The following CPNE4 variants were observed in gnomAD, a reference collection of about 807,000 sequenced individuals.
CPNE4 encodes the protein copine-4.
In CPNE4, 25 loss-of-function variants were observed where a neutral mutation model predicts 67.9. The observed-to-expected ratio is 0.37, with a 90% CI of 0.27 to 0.51. The LOEUF is 0.51. Ranked by LOEUF, CPNE4 falls within the 20% of genes least tolerant of loss-of-function variation. CPNE4 has a pLI of 0.93. For missense variants in CPNE4, 464 were observed against 690.8 expected (o/e 0.67, Z 3.68); for synonymous variants, 242 against 244.9 (o/e 0.99, Z 0.11).
At chr3:131,569,071 C>T (rs916457036) in intron 10 of CPNE4, among the ~76,000 whole-genome samples, 5 of 151,938 alleles carry the variant, frequency 3.3e-5, no homozygotes, top group African/African-American at 1.2e-4. Flanking sequence ...AGAAAACTTT[C>T]TAAGAGGGCA....
chr3:131,833,965 T>TAA (rs2085468446), intron 2 of CPNE4, among the ~76,000 whole-genome samples: 1 of 152,220 alleles, frequency 6.6e-6, no homozygotes, highest in Non-Finnish European at 1.5e-5. Flanking sequence ...TATATTTATA[T>TAA]AGCTATTAAA....
intron 2 of CPNE4, among the ~76,000 whole-genome samples, chr3:131,783,442 G>A (rs996761121): frequency 6.6e-5 from 10 of 152,048 alleles, no homozygotes; most frequent in Non-Finnish European, 1.2e-4. Context: ...CAGATGACCT[G>A]GGCTGGATTT....
At chr3:131,796,186 C>T (rs940918302) in intron 2 of CPNE4, among the ~76,000 whole-genome samples, 2 of 151,744 alleles carry the variant, frequency 1.3e-5, no homozygotes, top group Non-Finnish European at 2.9e-5. Flanking sequence ...TATTTATTTG[C>T]TCTTCCATCA....
intron 3 of CPNE4, among the ~76,000 whole-genome samples, chr3:131,722,880 A>G (rs140226841): frequency 2.8e-4 from 42 of 152,330 alleles, no homozygotes; most frequent in African/African-American, 9.6e-4. Flanking sequence ...GCCTTCATCA[A>G]ATCACTTAAC....
At chr3:132,008,266 T>C (rs909908206) in intron 1 of CPNE4, among the ~76,000 whole-genome samples, 1 of 152,186 alleles carries the variant, frequency 6.6e-6, no homozygotes, top group South Asian at 2.1e-4. Context: ...AACCTAACTG[T>C]TGAAGAGTAA....
intron 1 of CPNE4, among the ~76,000 whole-genome samples, chr3:132,006,402 C>G (rs1038992039): frequency 6.6e-6 from 1 of 152,114 alleles, no homozygotes; most frequent in Non-Finnish European, 1.5e-5. Context: ...ACTCCTCCCC[C>G]GCTTGCCTTA....
chr3:131,937,141 GAAAT>G (rs748202234), intron 1 of CPNE4, among the ~76,000 whole-genome samples: 39 of 152,042 alleles, frequency 2.6e-4, no homozygotes, highest in Middle Eastern at 3.4e-3. Flanking sequence ...ATACAATCAA[GAAAT>G]AAATAAATAA....
At chr3:131,620,260 G>A (rs879736318) in intron 7 of CPNE4, among the ~76,000 whole-genome samples, 1 of 152,190 alleles carries the variant, frequency 6.6e-6, no homozygotes, top group Admixed American at 6.5e-5. Context: ...TGCTGTAATT[G>A]TTTGGTTAAT....
chr3:131,696,843 G>A (rs2081168783), intron 4 of CPNE4, among the ~76,000 whole-genome samples: 1 of 152,126 alleles, frequency 6.6e-6, no homozygotes, highest in African/African-American at 2.4e-5. Flanking sequence ...CTGAGCAAGA[G>A]AACATAAGAG....
intron 13 of CPNE4, among the ~76,000 whole-genome samples, chr3:131,551,655 G>A (rs1936179898): frequency 6.6e-6 from 1 of 152,006 alleles, no homozygotes; most frequent in African/African-American, 2.4e-5. Context: ...TTAACTGCTA[G>A]ATGCCTTACA....
intron 2 of CPNE4, among the ~76,000 whole-genome samples, chr3:131,817,672 T>C (rs567167345): frequency 6.6e-6 from 1 of 152,236 alleles, no homozygotes; most frequent in South Asian, 2.1e-4. Flanking sequence ...GGAAAAATGA[T>C]TGAAAAGTGC....
At chr3:132,008,249 GT>G (rs751204748) in intron 1 of CPNE4, among the ~76,000 whole-genome samples, 24 of 152,098 alleles carry the variant, frequency 1.6e-4, no homozygotes, top group Non-Finnish European at 2.8e-4. Context: ...TAAATATTAG[GT>G]GTAACAACCT....
At chr3:132,000,555 A>C (rs983301867) in intron 1 of CPNE4, among the ~76,000 whole-genome samples, 12 of 151,662 alleles carry the variant, frequency 7.9e-5, no homozygotes, top group African/African-American at 2.9e-4. Context: ...TTAAGGACAA[A>C]CAATAAAGCA....
At chr3:131,919,662 ATGTT>A (rs981433941) in intron 1 of CPNE4, among the ~76,000 whole-genome samples, 1 of 152,172 alleles carries the variant, frequency 6.6e-6, no homozygotes. Flanking sequence ...ACTATTCTGT[ATGTT>A]TGTTGTACTC....
At chr3:131,953,139 G>C (rs1030398611) in intron 1 of CPNE4, among the ~76,000 whole-genome samples, 23 of 149,390 alleles carry the variant, frequency 1.5e-4, no homozygotes, top group African/African-American at 5.5e-4. Flanking sequence ...AGGAAAACCA[G>C]AGACCTTTGC....
At chr3:131,950,013 T>C (rs944781430) in intron 1 of CPNE4, among the ~76,000 whole-genome samples, 3 of 151,874 alleles carry the variant, frequency 2.0e-5, no homozygotes, top group Non-Finnish European at 2.9e-5. Flanking sequence ...TGTGTGAGAG[T>C]TTCTTATGAT....
intron 7 of CPNE4, among the ~76,000 whole-genome samples, chr3:131,632,932 A>T (rs941441548): frequency 3.3e-5 from 5 of 152,120 alleles, no homozygotes; most frequent in Admixed American, 6.5e-5. Context: ...AGAACCACTG[A>T]CCTAGATGAT....
chr3:131,794,370 G>C (rs56140443), intron 2 of CPNE4, among the ~76,000 whole-genome samples: 54,925 of 151,672 alleles, frequency 0.36, 10,282 homozygotes, highest in African/African-American at 0.45. Context: ...TCAGCCTCCT[G>C]AGTAGTTGGC....
At chr3:131,816,489 C>T (rs1248387668) in intron 2 of CPNE4, among the ~76,000 whole-genome samples, 6 of 152,244 alleles carry the variant, frequency 3.9e-5, no homozygotes, top group South Asian at 2.1e-4. Flanking sequence ...ACAGGAAATA[C>T]GAGCAGTTTT....
Sources: gnomAD v4.1 joint callset for allele counts (sites outside exome capture counted in the v4.1 genomes callset) on GRCh38, gnomAD v4.1.1 for gene constraint, MANE v1.5 for transcripts, NCBI Gene and HGNC (gene_info 2026-07-23, HGNC 2026-07-21) for gene names.